The following DAPK1 variants were observed in gnomAD, a reference collection of about 807,000 sequenced individuals.
DAPK1 encodes the protein death associated protein kinase 1, also known as death-associated protein kinase 1.
In DAPK1, 56 loss-of-function variants were observed where a neutral mutation model predicts 144.9. The observed-to-expected ratio is 0.39, with a 90% CI of 0.31 to 0.48. The LOEUF is 0.48. Ranked by LOEUF, DAPK1 falls within the 20% of genes least tolerant of loss-of-function variation. The pLI is 0.95. For missense variants in DAPK1, 1,454 were observed against 1,875.4 expected, an observed-to-expected ratio of 0.78 and a Z score of 4.15; for synonymous variants, 690 against 749.0, an observed-to-expected ratio of 0.92 and a Z score of 1.29.
At chr9:87,704,917 A>C (rs1825583471) in intron 25 of DAPK1, among the ~76,000 whole-genome samples, 1 of 152,178 alleles carries the variant, frequency 6.6e-6, no homozygotes, top group South Asian at 2.1e-4. Context: ...ATAAAGGGAA[A>C]GTTCCTTCTG....
In DAPK1 at chr9:87,707,035, C is replaced by A. The variant is rs1230357688; in HGVS notation, c.3964C>A (p.Pro1322Thr). Reference protein sequence around the residue: ...KLSRLLDPPDPLGKDWCLLAM... With the variant: ...KLSRLLDPPDTLGKDWCLLAM... ...GAGTCGCCTGCTGGACCCGCCCGAC[C>A]CCCTGGGGAAGGACTGGTGCCTTCT... The change falls in exon 26 of 26, where the codon CCC becomes ACC. Residue 1322 changes from proline (P) to threonine (T), a missense_variant. This residue lies in a region of DAPK1 where 1,025 missense variants were observed against 1,237.9 expected (regional missense o/e 0.83). Transcript: ENST00000408954. This position sits in a 1 kb window ranked among gnomAD's most constrained non-coding sequence, Gnocchi z 4.0. The A allele has an allele frequency of 2.5e-6, 4 of 1,613,672 alleles. No homozygotes were observed. Among genetic ancestry groups the A allele is most frequent in the Non-Finnish European group, 3.4e-6 (4 of 1,179,890 alleles).
intron 2 of DAPK1, among the ~76,000 whole-genome samples, chr9:87,594,936 T>G (rs1282299525): frequency 6.6e-6 from 1 of 152,220 alleles, no homozygotes; most frequent in Admixed American, 6.5e-5. Flanking sequence ...CAGGAAGGTC[T>G]GAATCCACCT....
At position 87,686,075 on chromosome 9, in the gene DAPK1, G is replaced by A. The variant is rs1002347305; in HGVS notation, c.2225-476G>A. Among the ~76,000 whole-genome samples the A allele has an allele frequency of 2.6e-5, 4 of 152,216 alleles. No individual in the cohort carries two copies. The highest frequency in any genetic ancestry group is 9.7e-5 in the African/African-American group (4 of 41,448). ...TTATTTAATGCTATGGCCTGCTACT[G>A]TCTGAAATCATTTTCCATTTAACCT... On this transcript the variant is annotated intron_variant, in intron 20 of 25. Transcript: ENST00000408954. The surrounding 1 kb of genome is among the most constrained non-coding windows in gnomAD (Gnocchi z 4.2).
At chr9:87,595,214 A>G (rs1465192403) in intron 2 of DAPK1, among the ~76,000 whole-genome samples, 1 of 152,164 alleles carries the variant, frequency 6.6e-6, no homozygotes, top group Non-Finnish European at 1.5e-5. Context: ...AGCAACCCCA[A>G]ACCATGTGAA....
chr9:87,519,190 T>C (rs576112623), intron 2 of DAPK1, among the ~76,000 whole-genome samples: 1 of 152,288 alleles, frequency 6.6e-6, no homozygotes, highest in African/African-American at 2.4e-5. Flanking sequence ...ATCACTGGGT[T>C]CAGCAAGGGG....
intron 20 of DAPK1, among the ~76,000 whole-genome samples, chr9:87,685,688 T>C (rs934948225): frequency 7.2e-5 from 11 of 152,224 alleles, no homozygotes; most frequent in Non-Finnish European, 4.4e-5. Context: ...GACTCTGTTA[T>C]TCAGCTCCCG....
chr9:87,582,778 C>A (rs946735509), intron 2 of DAPK1, among the ~76,000 whole-genome samples: 1 of 152,060 alleles, frequency 6.6e-6, no homozygotes, highest in Non-Finnish European at 1.5e-5. Context: ...TGGTATTGAA[C>A]TCCTGACCTC....
intron 2 of DAPK1, among the ~76,000 whole-genome samples, chr9:87,563,991 G>GCGCCATTTTGGCGCCA (rs1827025966): frequency 6.6e-6 from 1 of 152,186 alleles, no homozygotes; most frequent in Non-Finnish European, 1.5e-5. Flanking sequence ...TTTTGGATAT[G>GCGCCATTTTGGCGCCA]TTCTTTATTT....
chr9:87,698,682 C>A lies in DAPK1; in HGVS notation c.2638C>A (p.Leu880Ile). The A allele has an allele frequency of 6.2e-7, 1 of 1,606,612 alleles. No individual in the cohort carries two copies. Among genetic ancestry groups the A allele is most frequent in the Non-Finnish European group, 8.5e-7 (1 of 1,173,210 alleles). The change falls in exon 23 of 26, where the codon CTC (leucine) becomes ATC (isoleucine). Residue 880 changes from leucine (L) to isoleucine (I), a missense_variant. Leu to Ile is a conservative substitution (Grantham distance 5, BLOSUM62 2). Around this residue, in one of 2 missense-constraint regions of DAPK1, gnomAD observed 1,025 missense variants for 1,237.9 expected, o/e 0.83. Transcript: ENST00000408954. ...IAFGGKLKNPLQVVLVATHAD... is the reference protein window; with the variant it reads ...IAFGGKLKNPIQVVLVATHAD... ...CTTCGGTGGCAAGCTGAAGAACCCA[C>A]TCCAAGTTGTCCTGGTGGCCACCCA...
chr9:87,671,352 TAAAATAC>T (rs893270636), intron 19 of DAPK1, among the ~76,000 whole-genome samples: 14 of 152,060 alleles, frequency 9.2e-5, no homozygotes, highest in African/African-American at 3.1e-4. Context: ...ATTACAGCTA[TAAAATAC>T]AAAATACAAA....
Position 87,590,384 on chromosome 9 carries a change from AAG to A in DAPK1, c.63-14568_63-14567del, listed in dbSNP as rs1183649899. Among the ~76,000 whole-genome samples, 1,379 of 148,160 alleles carry A rather than the reference AAG, an allele frequency of 9.3e-3. 20 individuals are homozygous for A. Among genetic ancestry groups the A allele is most frequent in the African/African-American group, 0.033 (1,291 of 39,114 alleles). ...TCATTGGCCTCAAAAAAAAAAAAAA[AAG>A]AAAAGAAAAGAAAAGAAAAAGGAAG... On this transcript the variant is annotated intron_variant, in intron 2 of 25. Coordinates refer to ENST00000408954, the MANE Select transcript of DAPK1 (RefSeq NM_004938.4).
At position 87,705,548 on chromosome 9, in the gene DAPK1, GA is replaced by G. The variant is rs554410630; in HGVS notation, c.3061-583del. ...ACTACATTTAAGCTGATCAGTTGTTGACATTTTGCTACATTTGCTCGATTCC... is the reference window on the plus strand; with the variant it reads ...ACTACATTTAAGCTGATCAGTTGTTGCATTTTGCTACATTTGCTCGATTCC... On this transcript the variant is annotated intron_variant, in intron 25 of 25. Transcript: ENST00000408954. Among the ~76,000 whole-genome samples, 447 of 152,216 alleles carry G rather than the reference GA, an allele frequency of 2.9e-3. 4 individuals carry two copies. Among genetic ancestry groups the G allele is most frequent in the African/African-American group, 0.01 (434 of 41,534 alleles).
At chr9:87,528,342 C>T (rs765553565) in intron 2 of DAPK1, among the ~76,000 whole-genome samples, 6 of 152,000 alleles carry the variant, frequency 3.9e-5, no homozygotes, top group East Asian at 1.9e-4. Flanking sequence ...CTCAGCCTTC[C>T]GAGTAGCTGG....
intron 2 of DAPK1, among the ~76,000 whole-genome samples, chr9:87,519,785 T>C (rs1201346522): frequency 6.6e-6 from 1 of 152,104 alleles, no homozygotes; most frequent in Non-Finnish European, 1.5e-5. Flanking sequence ...GAAAGTGGCA[T>C]TGTTTCTGCA....
In DAPK1 at chr9:87,703,818, G is replaced by A. The variant is rs148437583; in HGVS notation, c.3060+601G>A. On this transcript the variant is annotated intron_variant, in intron 25 of 25. Coordinates refer to ENST00000408954, the MANE Select transcript of DAPK1 (RefSeq NM_004938.4). Reference sequence around the variant, plus strand: ...GTTCTGTGACATTGAGCACCAGGGCGCGGTTTGGAAACCCTGTTCTAATGG... The same window carrying A: ...GTTCTGTGACATTGAGCACCAGGGCACGGTTTGGAAACCCTGTTCTAATGG... Among the ~76,000 whole-genome samples, 119 of 152,338 alleles carry A rather than the reference G, an allele frequency of 7.8e-4. 1 individual carries two copies. Among genetic ancestry groups the A allele is most frequent in the African/African-American group, 2.2e-3 (93 of 41,584 alleles).
At chr9:87,546,598 A>G (rs1390448287) in intron 2 of DAPK1, among the ~76,000 whole-genome samples, 1 of 152,180 alleles carries the variant, frequency 6.6e-6, no homozygotes, top group Non-Finnish European at 1.5e-5. Context: ...CCTCAATGCT[A>G]AAGCATCAAA....
chr9:87,600,811 C>T (rs1828489128), intron 2 of DAPK1, among the ~76,000 whole-genome samples: 1 of 152,204 alleles, frequency 6.6e-6, no homozygotes, highest in African/African-American at 2.4e-5. Context: ...TTGTTAATTA[C>T]TGACTGGCCT....
At chr9:87,570,980 G>A (rs2118740736) in intron 2 of DAPK1, among the ~76,000 whole-genome samples, 1 of 152,294 alleles carries the variant, frequency 6.6e-6, no homozygotes, top group East Asian at 1.9e-4. Context: ...TGATAGAAAA[G>A]TCACTTGGTT....
At chr9:87,539,028 A>T (rs1255793368) in intron 2 of DAPK1, among the ~76,000 whole-genome samples, 1 of 150,548 alleles carries the variant, frequency 6.6e-6, no homozygotes, top group East Asian at 1.9e-4. Flanking sequence ...AAATTAAATT[A>T]AAACTAATTT....
Sources: gnomAD v4.1 joint callset for allele counts (sites outside exome capture counted in the v4.1 genomes callset) on GRCh38, gnomAD v4.1.1 for gene constraint, gnomAD v4.1.1 regional missense constraint, Gnocchi (gnomAD v3.1) non-coding constraint, MANE v1.5 for transcripts, NCBI Gene and HGNC (gene_info 2026-07-23, HGNC 2026-07-21) for gene names.